Variants in DRC11 observed in about 807,000 individuals in gnomAD.
DRC11 encodes dynein regulatory complex subunit 11.
At chr2:236,482,955 C>G in the DRC11 span, among the ~76,000 whole-genome samples, 11 of 152,114 alleles carry the variant, frequency 7.2e-5, no homozygotes, top group African/African-American at 2.4e-4. This position sits in a 1 kb window ranked among gnomAD's most constrained non-coding sequence, Gnocchi z 4.5. Context: ...GTAGTGTTAA[C>G]TATAATCACA....
At chr2:236,443,671 G>T in the DRC11 span, among the ~76,000 whole-genome samples, 1 of 152,144 alleles carries the variant, frequency 6.6e-6, no homozygotes, top group African/African-American at 2.4e-5. This position sits in a 1 kb window ranked among gnomAD's most constrained non-coding sequence, Gnocchi z 4.4. Flanking sequence ...GAATGGTGCT[G>T]CAATGAACAT....
At chr2:236,460,574 CTCA>C in the DRC11 span, among the ~76,000 whole-genome samples, 4 of 152,044 alleles carry the variant, frequency 2.6e-5, no homozygotes, top group East Asian at 1.9e-4. This position sits in a 1 kb window ranked among gnomAD's most constrained non-coding sequence, Gnocchi z 4.0. Context: ...TTTCTTTGTC[CTCA>C]TATTTTTTAA....
chr2:236,343,620 G>T, the DRC11 span: 1 of 847,442 alleles, frequency 1.2e-6, no homozygotes, highest in Non-Finnish European at 1.7e-6. The surrounding 1 kb of genome is among the most constrained non-coding windows in gnomAD (Gnocchi z 6.6). Flanking sequence ...TGTGACACGT[G>T]AGACGAAACA....
the DRC11 span, among the ~76,000 whole-genome samples, chr2:236,484,207 C>A: frequency 6.6e-6 from 1 of 152,162 alleles, no homozygotes; most frequent in Non-Finnish European, 1.5e-5. Flanking sequence ...TCCTACCTGA[C>A]ATATATATTT....
At chr2:236,309,804 G>A in the DRC11 span, among the ~76,000 whole-genome samples, 1 of 152,174 alleles carries the variant, frequency 6.6e-6, no homozygotes, top group South Asian at 2.1e-4. This position sits in a 1 kb window ranked among gnomAD's most constrained non-coding sequence, Gnocchi z 5.7. Context: ...GCAGGTGCCC[G>A]ACGGTCCACC....
the DRC11 span, chr2:236,507,225 T>C: frequency 5.0e-5 from 81 of 1,612,756 alleles, no homozygotes; most frequent in Non-Finnish European, 6.9e-5. Context: ...GGAAGCCCAC[T>C]CCATGGCTGT....
the DRC11 span, among the ~76,000 whole-genome samples, chr2:236,446,173 G>A: frequency 6.6e-6 from 1 of 152,166 alleles, no homozygotes; most frequent in African/African-American, 2.4e-5. This position sits in a 1 kb window ranked among gnomAD's most constrained non-coding sequence, Gnocchi z 6.2. Context: ...CATCCCGACT[G>A]AGCCTCCTCA....
At chr2:236,421,187 G>T in the DRC11 span, among the ~76,000 whole-genome samples, 1 of 152,072 alleles carries the variant, frequency 6.6e-6, no homozygotes, top group Non-Finnish European at 1.5e-5. Flanking sequence ...AAAGCTAGCA[G>T]CAGGCAAAAA....
At chr2:236,388,030 A>C in the DRC11 span, among the ~76,000 whole-genome samples, 1 of 152,154 alleles carries the variant, frequency 6.6e-6, no homozygotes, top group Non-Finnish European at 1.5e-5. Flanking sequence ...CCGAGAGATC[A>C]GCTGTTAGTC....
chr2:236,459,595 G>GTACGTATATACGTATATACGTA, the DRC11 span, among the ~76,000 whole-genome samples: 1 of 108,832 alleles, frequency 9.2e-6, no homozygotes, highest in Non-Finnish European at 2.1e-5. Flanking sequence ...ATACGTATAC[G>GTACGTATATACGTATATACGTA]TATACATATA....
At chr2:236,459,502 T>TGTATAC in the DRC11 span, among the ~76,000 whole-genome samples, 1,360 of 107,500 alleles carry the variant, frequency 0.013, 12 homozygotes, top group Admixed American at 0.024. Context: ...CGTATATATG[T>TGTATAC]ATACGTATAC....
At chr2:236,496,181 C>T in the DRC11 span, among the ~76,000 whole-genome samples, 1 of 152,158 alleles carries the variant, frequency 6.6e-6, no homozygotes, top group Non-Finnish European at 1.5e-5. This position sits in a 1 kb window ranked among gnomAD's most constrained non-coding sequence, Gnocchi z 6.3. Flanking sequence ...TTGGCCCATG[C>T]TCTTATAGAT....
At chr2:236,369,895 T>C in the DRC11 span, among the ~76,000 whole-genome samples, 1 of 151,988 alleles carries the variant, frequency 6.6e-6, no homozygotes, top group Non-Finnish European at 1.5e-5. The surrounding 1 kb of genome is among the most constrained non-coding windows in gnomAD (Gnocchi z 4.5). Context: ...GCATTTAGGA[T>C]AGAGGGCGTG....
the DRC11 span, among the ~76,000 whole-genome samples, chr2:236,466,713 G>T: frequency 6.6e-6 from 1 of 152,136 alleles, no homozygotes; most frequent in East Asian, 1.9e-4. Flanking sequence ...CAAGGGGATG[G>T]TGCTAAGCCA....
chr2:236,431,965 A>C, the DRC11 span, among the ~76,000 whole-genome samples: 9 of 152,318 alleles, frequency 5.9e-5, no homozygotes, highest in East Asian at 1.7e-3. This position sits in a 1 kb window ranked among gnomAD's most constrained non-coding sequence, Gnocchi z 4.2. Flanking sequence ...AAGAATTGCT[A>C]GGTCCTTTGG....
the DRC11 span, among the ~76,000 whole-genome samples, chr2:236,491,346 A>G: frequency 6.7e-6 from 1 of 148,208 alleles, no homozygotes; most frequent in Non-Finnish European, 1.5e-5. Flanking sequence ...CGCAGCAGGG[A>G]AGTCCTTGTG....
chr2:236,311,697 C>T, the DRC11 span, among the ~76,000 whole-genome samples: 64 of 138,792 alleles, frequency 4.6e-4, no homozygotes, highest in East Asian at 7.7e-3. The surrounding 1 kb of genome is among the most constrained non-coding windows in gnomAD (Gnocchi z 6.9). Context: ...GGATGGGGTG[C>T]GTGTGTGTGT....
chr2:236,462,333 A>C, the DRC11 span, among the ~76,000 whole-genome samples: 1 of 152,148 alleles, frequency 6.6e-6, no homozygotes, highest in African/African-American at 2.4e-5. The surrounding 1 kb of genome is among the most constrained non-coding windows in gnomAD (Gnocchi z 6.4). Flanking sequence ...AGTCCCCAAC[A>C]GACCAGGTGG....
At chr2:236,406,431 T>C in the DRC11 span, among the ~76,000 whole-genome samples, 4,692 of 152,240 alleles carry the variant, frequency 0.031, 239 homozygotes, top group East Asian at 0.18. The surrounding 1 kb of genome is among the most constrained non-coding windows in gnomAD (Gnocchi z 4.7). Context: ...AAAATTCAAA[T>C]AGGGCTGCAA....
Sources: gnomAD v4.1 joint callset for allele counts (sites outside exome capture counted in the v4.1 genomes callset) on GRCh38, gnomAD v4.1.1 for gene constraint, Gnocchi (gnomAD v3.1) non-coding constraint, MANE v1.5 for transcripts, NCBI Gene and HGNC (gene_info 2026-07-23, HGNC 2026-07-21) for gene names.